C3orf18: variants seen among roughly 807,000 people sequenced by gnomAD.
C3orf18 encodes the protein uncharacterized protein C3orf18.
C3orf18 carries 12 observed loss-of-function variants against 14.1 expected under a neutral mutation model. The observed-to-expected ratio is 0.85, with a 90% CI of 0.55 to 1.38. The LOEUF (loss-of-function observed/expected upper bound fraction) is 1.38. C3orf18 is among the 40% of genes most tolerant of loss of function. C3orf18 has a pLI of 0.00. For missense variants in C3orf18, 196 were observed against 213.9 expected (o/e 0.92, Z 0.52); for synonymous variants, 82 against 87.9 (o/e 0.93, Z 0.38).
intron 1 of C3orf18, among the ~76,000 whole-genome samples, chr3:50,567,117 G>A (rs1700354547): frequency 6.6e-6 from 1 of 152,164 alleles, no homozygotes; most frequent in African/African-American, 2.4e-5. Context: ...CTCCAGCTAG[G>A]CTGGGCACAT....
upstream of C3orf18, chr3:50,571,006 G>T: frequency 3.4e-6 from 3 of 870,130 alleles, no homozygotes; most frequent in Non-Finnish European, 5.2e-6. Flanking sequence ...TCTCCACCCA[G>T]CTGGGTCCAG....
At chr3:50,571,693 A>T (rs1226500877), upstream of C3orf18, 2 of 1,613,526 alleles carry the variant, frequency 1.2e-6, no homozygotes, top group Non-Finnish European at 8.5e-7. Flanking sequence ...AGCCACTTAT[A>T]TTCTCTGTGG....
intron 5 of C3orf18, among the ~76,000 whole-genome samples, 185 bp downstream of exon 5, chr3:50,560,732 T>C (rs188128942): frequency 6.6e-6 from 1 of 152,316 alleles, no homozygotes; most frequent in East Asian, 1.9e-4. Context: ...CCTTGCGCTG[T>C]GAGTTTGTGG....
upstream of C3orf18, chr3:50,571,306 G>A (rs762549255): frequency 3.7e-5 from 60 of 1,604,688 alleles, no homozygotes; most frequent in Admixed American, 1.0e-4. Flanking sequence ...TGAGTACATC[G>A]TGGCTCATGT....
chr3:50,562,174 A>G (rs912408342), intron 3 of C3orf18, among the ~76,000 whole-genome samples: 6 of 152,238 alleles, frequency 3.9e-5, no homozygotes, highest in African/African-American at 1.4e-4. Flanking sequence ...CTGGGATTAC[A>G]GGCGTGAGCC....
chr3:50,565,673 C>T lies in C3orf18; in HGVS notation c.27G>A (p.Arg9=). The stretch of plus-strand genomic sequence containing the variant: ...TGGGTGGGCGGCTGCTGAACCAGCC[C>T]CTAGCAGATGCGGTCCTGGAGTTCA... The part of the protein sequence containing the change: MNSRTASA[R]GWFSSRPPTS... The change falls in exon 3 of 6, where the codon AGG becomes AGA. Residue 9 remains arginine (R), a synonymous_variant. Coordinates refer to ENST00000357203, the MANE Select transcript of C3orf18 (RefSeq NM_016210.5). This position sits in a 1 kb window ranked among gnomAD's most constrained non-coding sequence, Gnocchi z 4.4. 1 of 1,612,162 alleles carries T rather than the reference C, an allele frequency of 6.2e-7. No homozygotes were observed. The highest frequency in any genetic ancestry group is 8.5e-7 in the Non-Finnish European group (1 of 1,179,918).
chr3:50,564,336 C>T (rs143686390), intron 3 of C3orf18, among the ~76,000 whole-genome samples: 36 of 152,320 alleles, frequency 2.4e-4, no homozygotes, highest in Admixed American at 4.6e-4. Context: ...CTTAGGGGGA[C>T]AGCCCATATC....
At position 50,559,335 on chromosome 3, in the gene C3orf18, C is replaced by A; in HGVS notation, c.*322G>T. The A allele has an allele frequency of 7.8e-7, 1 of 1,276,886 alleles. No individual in the cohort carries two copies. Among genetic ancestry groups the A allele is most frequent in the Non-Finnish European group, 1.0e-6 (1 of 998,866 alleles). 79.1% of individuals were successfully genotyped at this position (1,276,886 alleles called of 1,614,324 possible). A position where few individuals can be genotyped will look rare whatever the true frequency, so the allele number is the denominator to read the frequency against. On this transcript the variant is annotated 3_prime_UTR_variant, in exon 6 of 6. Coordinates refer to ENST00000357203, the MANE Select transcript of C3orf18 (RefSeq NM_016210.5). Reference sequence around the variant, plus strand: ...ATCTCCCTCATTTCCTCCACATTAGCGGGGCAGACCCTGATGTGAGGGATC... The same window carrying A: ...ATCTCCCTCATTTCCTCCACATTAGAGGGGCAGACCCTGATGTGAGGGATC...
upstream of C3orf18, chr3:50,572,317 A>G: frequency 8.8e-7 from 1 of 1,135,500 alleles, no homozygotes; most frequent in Admixed American, 2.1e-5. Context: ...GACTTCAGGG[A>G]CAGTGCCTTT....
In C3orf18 at chr3:50,559,851, G is replaced by A. The variant is rs1446784251; in HGVS notation, c.409-114C>T. 4 of 597,272 alleles carry A rather than the reference G, an allele frequency of 6.7e-6. No homozygotes were observed. The East Asian group carries it at 1.3e-4, about 20-fold the overall frequency. The allele number at this position is 597,272 out of a possible 1,614,324, so 37.0% of individuals were successfully genotyped here. On this transcript the variant is annotated intron_variant, in intron 5 of 5. Coordinates refer to ENST00000357203, the MANE Select transcript of C3orf18 (RefSeq NM_016210.5). ...CTGCTTATGCTTGGCACTAGCAATG[G>A]CTTCTGCCTGGAATGCCCTCCCTGC... is the stretch of plus-strand genomic sequence containing the variant.
At chr3:50,574,253 C>T (rs551676960), upstream of C3orf18, among the ~76,000 whole-genome samples, 4 of 152,292 alleles carry the variant, frequency 2.6e-5, no homozygotes, top group South Asian at 4.1e-4. Flanking sequence ...TTAGTCTTGC[C>T]GAAAGAGCCA....
chr3:50,558,929 A>G lies in C3orf18; in HGVS notation c.*728T>C. 2 of 1,288,106 alleles carry G rather than the reference A, an allele frequency of 1.6e-6. No individual in the cohort carries two copies. Among genetic ancestry groups the G allele is most frequent in the Non-Finnish European group, 2.0e-6 (2 of 987,576 alleles). 79.8% of individuals were successfully genotyped at this position (1,288,106 alleles called of 1,614,324 possible). ...CCCATGGGCACACTCATGCACATGC[A>G]TGAGGCCTCTCGGCAGGTCTGGGGG... On this transcript the variant is annotated 3_prime_UTR_variant, in exon 6 of 6. Coordinates refer to ENST00000357203, the MANE Select transcript of C3orf18 (RefSeq NM_016210.5).
intron 3 of C3orf18, among the ~76,000 whole-genome samples, chr3:50,563,427 G>T (rs1164359506): frequency 2.0e-5 from 3 of 151,870 alleles, no homozygotes; most frequent in African/African-American, 7.3e-5. Flanking sequence ...GAACCTTTAC[G>T]CAATTTCCAT....
upstream of C3orf18, chr3:50,571,072 C>G (rs1461812786): frequency 8.6e-6 from 13 of 1,513,942 alleles, no homozygotes; most frequent in East Asian, 3.0e-4. Context: ...ACTTGGGAAC[C>G]TGGAAGCACT....
intron 3 of C3orf18, among the ~76,000 whole-genome samples, chr3:50,564,982 C>T (rs1171631408): frequency 6.6e-6 from 1 of 152,192 alleles, no homozygotes; most frequent in Non-Finnish European, 1.5e-5. Flanking sequence ...TCCCAAGAAC[C>T]TTTTCTGTTG....
upstream of C3orf18, chr3:50,571,937 G>T: frequency 7.7e-7 from 1 of 1,290,698 alleles, no homozygotes; most frequent in Non-Finnish European, 1.1e-6. Flanking sequence ...TGGCAAGAGT[G>T]GGGCCGGGGT....
At chr3:50,566,421 A>G (rs539522406) in intron 1 of C3orf18, among the ~76,000 whole-genome samples, 1 of 152,222 alleles carries the variant, frequency 6.6e-6, no homozygotes, top group African/African-American at 2.4e-5. Context: ...ACATCCCCAC[A>G]GGGTCATGGG....
upstream of C3orf18, chr3:50,571,012 T>C: frequency 6.2e-6 from 6 of 964,984 alleles, no homozygotes; most frequent in South Asian, 1.0e-4. Context: ...CCCAGCTGGG[T>C]CCAGGGGCCA....
intron 3 of C3orf18, chr3:50,562,255 C>T (rs936660148): frequency 8.6e-6 from 3 of 347,132 alleles, no homozygotes; most frequent in African/African-American, 2.3e-5. Flanking sequence ...TCTGGGGACT[C>T]AAGAGGCTCC....
Sources: allele counts gnomAD v4.1 joint callset (sites outside exome capture counted in the v4.1 genomes callset), GRCh38; gene constraint gnomAD v4.1.1; non-coding constraint Gnocchi (gnomAD v3.1); transcripts MANE v1.5; gene names NCBI Gene and HGNC (gene_info 2026-07-23, HGNC 2026-07-21).